Variants in SS18L2 observed in about 807,000 individuals in gnomAD.
SS18L2 encodes SS18 like 2.
In SS18L2, 8 loss-of-function variants were observed where a neutral mutation model predicts 10.3. The ratio of observed to expected loss-of-function variants is 0.78; its 90% CI spans 0.46 to 1.41. The LOEUF is 1.41. Ranked by LOEUF, SS18L2 falls within the 40% of genes most tolerant of loss-of-function variation. SS18L2 has a pLI of 0.00. For synonymous variants in SS18L2, 41 were observed against 34.6 expected (o/e 1.19, Z -0.65); for missense variants, 100 against 96.2 (o/e 1.04, Z -0.17).
chr3:42,590,835 G>C, upstream of SS18L2: 1 of 1,553,276 alleles, frequency 6.4e-7, no homozygotes, highest in Non-Finnish European at 8.9e-7. Flanking sequence ...AACTTCGAGA[G>C]CGTAGGCCCC....
chr3:42,594,422 G>T lies in SS18L2; in HGVS notation c.147G>T (p.Gln49His). Residue 49 changes from glutamine to histidine, a missense_variant and splice_region_variant, in exon 3 of 3, where the codon CAG (glutamine) becomes CAT (histidine). By Grantham distance (24) the Gln-to-His change is conservative (BLOSUM62 0). Coordinates refer to ENST00000011691, the MANE Select transcript of SS18L2 (RefSeq NM_001370300.1). ...TTTTTGCCTGTTTTTTTGCCCATAGGTACCAGCATGTGTTACATAGAAATC... is the reference window on the plus strand; with the variant it reads ...TTTTTGCCTGTTTTTTTGCCCATAGTTACCAGCATGTGTTACATAGAAATC... ...QNKGRGNECV[Q>H]YQHVLHRNLI... 6.2e-7 allele frequency: 1 copy of T among 1,611,976 alleles called. No individual in the cohort carries two copies. Among genetic ancestry groups the T allele is most frequent in the Non-Finnish European group, 8.5e-7 (1 of 1,178,788 alleles).
At chr3:42,585,623 C>T (rs2125735669) in intron 1 of SS18L2, among the ~76,000 whole-genome samples, 1 of 152,338 alleles carries the variant, frequency 6.6e-6, no homozygotes, top group South Asian at 2.1e-4. Flanking sequence ...TCACCTCCAT[C>T]ACATTCTTCC....
At chr3:42,583,599 C>T (rs996963059) in intron 1 of SS18L2, among the ~76,000 whole-genome samples, 5 of 152,140 alleles carry the variant, frequency 3.3e-5, no homozygotes, top group African/African-American at 1.2e-4. Context: ...TTAAGGGATA[C>T]TCAGGTAGCT....
rs1704804734 is a variant in SS18L2, at chr3:42,590,962, A to T, written c.65A>T (p.Gln22Leu). 1 of 443,718 alleles carries T rather than the reference A, an allele frequency of 2.3e-6. No homozygotes were observed. The allele number at this position is 443,718 out of a possible 1,614,324, so 27.5% of individuals were successfully genotyped here. A position where few individuals can be genotyped will look rare whatever the true frequency, so the allele number is the denominator to read the frequency against. Residue 22 changes from glutamine (Q) to leucine (L), a missense_variant, in exon 1 of 3, where the codon CAG (glutamine) becomes CTG (leucine). Transcript: ENST00000011691. ...GCGGAAGTCAATCAAGAGACTATCC[A>T]GCGGGTGAGCATCCACGCGGGCGGG... ...GKAEVNQETI[Q>L]RLLEENDQLI...
Position 42,590,866 on chromosome 3 carries a change from C to G in SS18L2, c.-32C>G, listed in dbSNP as rs1250368042. On this transcript the variant is annotated 5_prime_UTR_variant, in exon 1 of 3. Coordinates refer to ENST00000011691, the MANE Select transcript of SS18L2 (RefSeq NM_001370300.1). ...GCCCCACCTATCGTGGGTCGAGTTG[C>G]TTGGCGGTCGTGGTTCCGGAGGTTC... The G allele has an allele frequency of 6.2e-7, 1 of 1,612,532 alleles. No individual in the cohort carries two copies. The highest frequency in any genetic ancestry group is 2.2e-5 in the East Asian group (1 of 44,828).
At chr3:42,591,201 CT>C (rs71616053) in intron 1 of SS18L2, 32,037 of 478,200 alleles carry the variant, frequency 0.067, no homozygotes, top group Middle Eastern at 0.094. Flanking sequence ...CCTTTCTCTC[CT>C]TTTTTTTTTT....
chr3:42,590,232 C>T (rs1399789371), upstream of SS18L2, among the ~76,000 whole-genome samples: 2 of 152,194 alleles, frequency 1.3e-5, no homozygotes, highest in Non-Finnish European at 2.9e-5. Flanking sequence ...GAGACAATGC[C>T]ATAGCCAATG....
At chr3:42,592,870 C>G (rs976518413) in intron 2 of SS18L2, among the ~76,000 whole-genome samples, 1 of 152,050 alleles carries the variant, frequency 6.6e-6, no homozygotes, top group Non-Finnish European at 1.5e-5. Flanking sequence ...GAACTCTACC[C>G]CCCCCACCGT....
intron 1 of SS18L2, among the ~76,000 whole-genome samples, chr3:42,585,136 CAAACA>C (rs1269032058): frequency 2.0e-5 from 3 of 152,104 alleles, no homozygotes; most frequent in Non-Finnish European, 2.9e-5. Context: ...TCTCAAAAAA[CAAACA>C]AAACAAAACA....
intron 1 of SS18L2, among the ~76,000 whole-genome samples, chr3:42,584,656 G>C (rs1234855474): frequency 6.6e-6 from 1 of 152,198 alleles, no homozygotes; most frequent in Non-Finnish European, 1.5e-5. Flanking sequence ...AGAGAATTGT[G>C]ATACAGTCTA....
chr3:42,583,127 A>G (rs1400883339), intron 1 of SS18L2, among the ~76,000 whole-genome samples: 63 of 152,218 alleles, frequency 4.1e-4, no homozygotes, highest in Non-Finnish European at 1.0e-4. Flanking sequence ...ACCATAGTGG[A>G]AAGTTTAGGA....
upstream of SS18L2, among the ~76,000 whole-genome samples, chr3:42,589,256 G>A (rs372380571): frequency 3.9e-5 from 6 of 151,934 alleles, no homozygotes; most frequent in South Asian, 1.0e-3. Context: ...GTGACAGAGC[G>A]AGACTCTGTC....
At chr3:42,583,494 T>A (rs945085556) in intron 1 of SS18L2, among the ~76,000 whole-genome samples, 1 of 152,148 alleles carries the variant, frequency 6.6e-6, no homozygotes, top group South Asian at 2.1e-4. Context: ...ATAAGATTGA[T>A]CTTGAGCTCC....
At chr3:42,593,005 C>T (rs1290565942) in intron 2 of SS18L2, among the ~76,000 whole-genome samples, 1 of 151,698 alleles carries the variant, frequency 6.6e-6, no homozygotes, top group African/African-American at 2.4e-5. Context: ...TTGGGGAGCA[C>T]AAAACAATGA....
Position 42,591,605 on chromosome 3 carries a change from AG to A in SS18L2, c.146+5del. The A allele has an allele frequency of 6.2e-7, 1 of 1,609,028 alleles. No homozygotes were observed. The highest frequency in any genetic ancestry group is 8.5e-7 in the Non-Finnish European group (1 of 1,175,330). ...GCCGCGGGAACGAGTGCGTGCAGTA[AG>A]TACCCCCACCCCCGCGCCCCTGACC... On this transcript the variant is annotated splice_donor_5th_base_variant and intron_variant, in intron 2 of 2. Transcript: ENST00000011691.
rs1451465565 is a variant in SS18L2, at chr3:42,591,110, C to T, written c.69+144C>T. On this transcript the variant is annotated intron_variant, in intron 1 of 2. Transcript: ENST00000011691. ...CAGCCGGGGTGCGGGGTGAGATGGGCACGAAATCAGCACAGGCGCCGGGGC... is the reference window on the plus strand; with the variant it reads ...CAGCCGGGGTGCGGGGTGAGATGGGTACGAAATCAGCACAGGCGCCGGGGC... 6 of 948,312 alleles carry T rather than the reference C, an allele frequency of 6.3e-6. No homozygotes were observed. The East Asian group carries it at 1.3e-4, about 21-fold the overall frequency. 58.7% of individuals were successfully genotyped at this position (948,312 alleles called of 1,614,324 possible).
At chr3:42,585,835 C>T (rs972448007) in intron 1 of SS18L2, among the ~76,000 whole-genome samples, 2 of 152,164 alleles carry the variant, frequency 1.3e-5, no homozygotes, top group South Asian at 2.1e-4. Context: ...ACTAGGTCCT[C>T]AACACCTTTC....
intron 1 of SS18L2, chr3:42,591,183 G>C (rs957181103): frequency 2.3e-5 from 14 of 597,476 alleles, no homozygotes; most frequent in Non-Finnish European, 3.8e-5. Flanking sequence ...ACGTCACACT[G>C]CACTAACCCT....
chr3:42,590,728 G>C, upstream of SS18L2: 1 of 739,910 alleles, frequency 1.4e-6, no homozygotes, highest in African/African-American at 1.7e-5. Context: ...GCGTTCTGGG[G>C]GCTGGGACCG....
Sources: gnomAD v4.1 joint callset for allele counts (sites outside exome capture counted in the v4.1 genomes callset) on GRCh38, gnomAD v4.1.1 for gene constraint, MANE v1.5 for transcripts, NCBI Gene and HGNC (gene_info 2026-07-23, HGNC 2026-07-21) for gene names.